TP53BP1: variants seen among roughly 807,000 people sequenced by gnomAD.
The protein encoded by TP53BP1 is tumor protein p53 binding protein 1.
A neutral mutation model predicts 200.8 loss-of-function variants in TP53BP1; 61 were observed. The ratio of observed to expected loss-of-function variants is 0.30; its 90% CI spans 0.25 to 0.38. The LOEUF (loss-of-function observed/expected upper bound fraction) is 0.38. TP53BP1 is among the 10% of genes least tolerant of loss of function. The pLI, the probability that TP53BP1 is intolerant of heterozygous loss-of-function variation, is 1.00. For missense variants in TP53BP1, 2,144 were observed against 2,371.9 expected, an observed-to-expected ratio of 0.90 and a Z score of 2.00; for synonymous variants, 822 against 844.3, an observed-to-expected ratio of 0.97 and a Z score of 0.46.
intron 11 of TP53BP1, among the ~76,000 whole-genome samples, chr15:43,458,768 A>G (rs531709717): frequency 6.6e-6 from 1 of 150,806 alleles, no homozygotes; most frequent in South Asian, 2.1e-4. Flanking sequence ...TGGGTGACAG[A>G]GAAAGACTCT....
At chr15:43,435,664 T>A (rs560737586) in intron 16 of TP53BP1, among the ~76,000 whole-genome samples, 2 of 151,946 alleles carry the variant, frequency 1.3e-5, no homozygotes, top group African/African-American at 4.8e-5. Flanking sequence ...ATAATGAGCA[T>A]AGAAATTTAG....
chr15:43,416,501 G>C, intron 21 of TP53BP1, 85 bp from the exon 22 acceptor site: 1 of 1,339,570 alleles, frequency 7.5e-7, no homozygotes, highest in Non-Finnish European at 1.0e-6. Context: ...AAGCAGGCCT[G>C]AGTTAGGGAA....
upstream of TP53BP1, among the ~76,000 whole-genome samples, chr15:43,495,534 A>ACAC (rs1566970727): frequency 4.3e-4 from 44 of 102,982 alleles, no homozygotes; most frequent in Non-Finnish European, 3.4e-4. Context: ...CACACACACA[A>ACAC]AAGCCAGGTG....
At chr15:43,439,794 G>A (rs1235397970) in intron 15 of TP53BP1, among the ~76,000 whole-genome samples, 2 of 152,090 alleles carry the variant, frequency 1.3e-5, no homozygotes. Flanking sequence ...TACCCTAAGA[G>A]TTCTAGAAGC....
intron 4 of TP53BP1, among the ~76,000 whole-genome samples, chr15:43,488,906 T>A (rs147308133): frequency 6.6e-6 from 1 of 151,878 alleles, no homozygotes; most frequent in East Asian, 1.9e-4. Context: ...AAAAAAAAAG[T>A]GTTTTGAAGA....
chr15:43,503,880 T>C (rs1486607379), intron 1 of TP53BP1, among the ~76,000 whole-genome samples: 1 of 152,222 alleles, frequency 6.6e-6, no homozygotes, highest in East Asian at 1.9e-4. Flanking sequence ...GTTGGTTCCG[T>C]ACTGAACATT....
intron 4 of TP53BP1, among the ~76,000 whole-genome samples, chr15:43,486,099 C>T (rs1205687853): frequency 6.6e-6 from 1 of 151,306 alleles, no homozygotes; most frequent in East Asian, 2.0e-4. Flanking sequence ...TTGGGAGGGC[C>T]GCGGAGGTGC....
Position 43,404,994 on chromosome 15 carries a change from T to C in TP53BP1, c.*2389A>G. The C allele has an allele frequency of 1.7e-6, 1 of 590,516 alleles. No homozygotes were observed. Among genetic ancestry groups the C allele is most frequent in the Non-Finnish European group, 3.0e-6 (1 of 338,282 alleles). The allele number at this position is 590,516 out of a possible 1,614,324, so 36.6% of individuals were successfully genotyped here. ...AGCTGGCTTCCCAGAGGTCTGTCATTCCCATTCAGAAAATCACTTCATTGT... is the reference window on the plus strand; with the variant it reads ...AGCTGGCTTCCCAGAGGTCTGTCATCCCCATTCAGAAAATCACTTCATTGT... On this transcript the variant is annotated 3_prime_UTR_variant, in exon 28 of 28. Transcript: ENST00000382044.
At chr15:43,468,374 G>GT in intron 11 of TP53BP1, among the ~76,000 whole-genome samples, 1 of 151,952 alleles carries the variant, frequency 6.6e-6, no homozygotes, top group East Asian at 1.9e-4. Flanking sequence ...GTGATACCCC[G>GT]TCTCTATAAG....
chr15:43,423,991 T>C (rs2045468170), intron 18 of TP53BP1, among the ~76,000 whole-genome samples: 1 of 152,180 alleles, frequency 6.6e-6, no homozygotes, highest in Non-Finnish European at 1.5e-5. Flanking sequence ...AAGAATACAA[T>C]GATGACTCAG....
chr15:43,406,939 C>T lies in TP53BP1; in HGVS notation c.*444G>A. The T allele has an allele frequency of 4.1e-6, 1 of 242,848 alleles. No homozygotes were observed. Among genetic ancestry groups the T allele is most frequent in the South Asian group, 5.3e-5 (1 of 18,702 alleles). 15.0% of individuals were successfully genotyped at this position (242,848 alleles called of 1,614,324 possible). On this transcript the variant is annotated 3_prime_UTR_variant, in exon 28 of 28. Transcript: ENST00000382044. ...GAGGTCTTTTTTAACTGTCAGGAAA[C>T]AGAGCTGTGCCCAATTCCACTCAAC...
intron 5 of TP53BP1, among the ~76,000 whole-genome samples, chr15:43,480,362 G>T (rs2078945984): frequency 2.0e-5 from 3 of 152,140 alleles, no homozygotes; most frequent in Admixed American, 1.3e-4. Context: ...GCACAAGAAT[G>T]GCTTGAACCC....
intron 1 of TP53BP1, among the ~76,000 whole-genome samples, chr15:43,508,355 G>A (rs556291969): frequency 1.2e-4 from 18 of 151,966 alleles, no homozygotes; most frequent in Admixed American, 4.6e-4. Context: ...GCAAGACTCC[G>A]TCTCAAAAAA....
intron 1 of TP53BP1, among the ~76,000 whole-genome samples, chr15:43,506,766 T>C (rs1214676058): frequency 6.6e-6 from 1 of 152,186 alleles, no homozygotes; most frequent in Non-Finnish European, 1.5e-5. Context: ...CTGACAATCA[T>C]GCATATCACA....
At chr15:43,412,384 A>T (rs1239136170) in intron 24 of TP53BP1, among the ~76,000 whole-genome samples, 1 of 152,208 alleles carries the variant, frequency 6.6e-6, no homozygotes, top group Non-Finnish European at 1.5e-5. Flanking sequence ...CTGGACCTTT[A>T]GCCTTTACAG....
rs970883876 is a variant in TP53BP1 at position 43,403,463 on chromosome 15, A to G, written c.*3920T>C. On this transcript the variant is annotated 3_prime_UTR_variant, in exon 28 of 28. Transcript: ENST00000382044. ...AGATTGGAGGTTTGGTGCAGGGCTA[A>G]GAGAGTAATACTCGCTTAGCCAGGA... is the stretch of plus-strand genomic sequence containing the variant. The G allele has an allele frequency of 1.5e-5, 7 of 481,652 alleles. No homozygotes were observed. Among genetic ancestry groups the G allele is most frequent in the African/African-American group, 9.8e-5 (5 of 51,104 alleles). 29.8% of individuals were successfully genotyped at this position (481,652 alleles called of 1,614,324 possible).
intron 23 of TP53BP1, among the ~76,000 whole-genome samples, chr15:43,414,830 G>C (rs950260205): frequency 6.6e-6 from 1 of 151,648 alleles, no homozygotes; most frequent in Non-Finnish European, 1.5e-5. Flanking sequence ...CTCAGCCTCC[G>C]GAGAAGCTGG....
intron 1 of TP53BP1, among the ~76,000 whole-genome samples, chr15:43,505,499 C>T (rs917504097): frequency 1.3e-5 from 2 of 151,926 alleles, no homozygotes; most frequent in African/African-American, 4.8e-5. Flanking sequence ...TTATTTTTTT[C>T]GCTTTTGGGA....
chr15:43,448,979 T>C (rs1250740619), intron 12 of TP53BP1, among the ~76,000 whole-genome samples: 2 of 151,820 alleles, frequency 1.3e-5, no homozygotes, highest in Non-Finnish European at 1.5e-5. Flanking sequence ...ATACAAAAAT[T>C]AGCTGGGTGT....
Sources: allele counts gnomAD v4.1 joint callset (sites outside exome capture counted in the v4.1 genomes callset), GRCh38; gene constraint gnomAD v4.1.1; transcripts MANE v1.5; gene names NCBI Gene and HGNC (gene_info 2026-07-23, HGNC 2026-07-21).